The following MYRIP variants were observed in gnomAD, a reference collection of about 807,000 sequenced individuals.
The protein encoded by MYRIP is myosin VIIA and Rab interacting protein, also known as rab effector MyRIP.
Under a neutral mutation model 98.0 loss-of-function variants are expected in MYRIP, and 49 were observed. The observed-to-expected ratio is 0.50, with a 90% CI of 0.40 to 0.63. The LOEUF is 0.63. Among genes scored for constraint, MYRIP ranks in the 30% least tolerant of loss-of-function variants. The pLI, the probability that MYRIP is intolerant of heterozygous loss-of-function variation, is 0.00. For synonymous variants in MYRIP, 404 were observed against 409.5 expected (o/e 0.99, Z 0.16); for missense variants, 1,004 against 1,058.2 (o/e 0.95, Z 0.71).
intron 2 of MYRIP, among the ~76,000 whole-genome samples, chr3:40,025,504 G>A (rs1947105519): frequency 6.6e-6 from 1 of 152,058 alleles, no homozygotes; most frequent in Non-Finnish European, 1.5e-5. Flanking sequence ...ATACTCTAAG[G>A]TGGGTTTACC....
chr3:39,873,132 T>G (rs149198439), intron 1 of MYRIP, among the ~76,000 whole-genome samples: 1 of 152,236 alleles, frequency 6.6e-6, no homozygotes, highest in Admixed American at 6.5e-5. Flanking sequence ...TGCATAAATA[T>G]CTTCTTTTGA....
chr3:39,929,455 C>T (rs1007973406), intron 2 of MYRIP, among the ~76,000 whole-genome samples: 2 of 151,838 alleles, frequency 1.3e-5, no homozygotes, highest in Non-Finnish European at 2.9e-5. Flanking sequence ...AAAGTGCGAC[C>T]AATAGGTCTA....
intron 3 of MYRIP, among the ~76,000 whole-genome samples, chr3:40,146,515 C>T (rs1394173685): frequency 6.6e-6 from 1 of 152,192 alleles, no homozygotes; most frequent in Non-Finnish European, 1.5e-5. Flanking sequence ...TGTTTCCTGG[C>T]CACTCCAGTT....
At chr3:40,219,477 C>T (rs1051825448) in intron 11 of MYRIP, among the ~76,000 whole-genome samples, 1 of 151,972 alleles carries the variant, frequency 6.6e-6, no homozygotes, top group African/African-American at 2.4e-5. Flanking sequence ...TAATGCTATC[C>T]CTCCCCCATC....
intron 16 of MYRIP, among the ~76,000 whole-genome samples, chr3:40,254,488 T>TG (rs1559479300): frequency 8.8e-5 from 1 of 11,410 alleles, no homozygotes; most frequent in African/African-American, 3.4e-4. Flanking sequence ...CTGGGGGGGG[T>TG]GGGGGCGGGG....
At chr3:39,846,879 G>A (rs1401316046) in intron 1 of MYRIP, among the ~76,000 whole-genome samples, 1 of 152,172 alleles carries the variant, frequency 6.6e-6, no homozygotes, top group African/African-American at 2.4e-5. Context: ...CCATTGGAAG[G>A]CTAGCAGGTG....
intron 8 of MYRIP, among the ~76,000 whole-genome samples, chr3:40,172,091 A>G (rs1037660511): frequency 2.5e-4 from 38 of 152,230 alleles, no homozygotes; most frequent in Non-Finnish European, 3.7e-4. Context: ...GGAAGCCACA[A>G]TTCAAGACAA....
intron 9 of MYRIP, among the ~76,000 whole-genome samples, chr3:40,183,876 AC>A (rs1950957451): frequency 6.6e-6 from 1 of 152,250 alleles, no homozygotes; most frequent in Admixed American, 6.5e-5. Context: ...AAAAGATTTA[AC>A]CAACAACTAT....
chr3:39,985,012 G>A (rs1459748249), intron 2 of MYRIP, among the ~76,000 whole-genome samples: 1 of 150,160 alleles, frequency 6.7e-6, no homozygotes, highest in Non-Finnish European at 1.5e-5. Flanking sequence ...TTTTTTGGCT[G>A]CATAAATGTC....
At chr3:40,224,887 C>T (rs1165139472) in intron 11 of MYRIP, among the ~76,000 whole-genome samples, 2 of 152,206 alleles carry the variant, frequency 1.3e-5, no homozygotes, top group Admixed American at 6.5e-5. Context: ...CATCAAGTCA[C>T]TCTTCAGGGA....
intron 3 of MYRIP, among the ~76,000 whole-genome samples, chr3:40,119,767 G>T (rs1242957943): frequency 1.3e-5 from 2 of 152,084 alleles, no homozygotes; most frequent in African/African-American, 4.8e-5. Flanking sequence ...GGACTGTTGT[G>T]GGGTGGGGGG....
At chr3:40,120,604 A>G (rs1309288637) in intron 3 of MYRIP, among the ~76,000 whole-genome samples, 1 of 152,020 alleles carries the variant, frequency 6.6e-6, no homozygotes, top group Non-Finnish European at 1.5e-5. Context: ...TGTCTTCAAG[A>G]CTACACACTG....
chr3:40,112,207 A>C (rs575433360), intron 3 of MYRIP, among the ~76,000 whole-genome samples: 2 of 140,194 alleles, frequency 1.4e-5, no homozygotes, highest in Admixed American at 7.1e-5. Context: ...ACATACGCTC[A>C]TGGAATTCTA....
chr3:40,036,422 TGAAA>T (rs1947387836), intron 2 of MYRIP, among the ~76,000 whole-genome samples: 1 of 151,482 alleles, frequency 6.6e-6, no homozygotes, highest in South Asian at 2.1e-4. Context: ...TTTACCTTGA[TGAAA>T]GAATTACCAG....
chr3:40,037,222 G>A (rs1947403720), intron 2 of MYRIP, among the ~76,000 whole-genome samples: 1 of 152,082 alleles, frequency 6.6e-6, no homozygotes, highest in African/African-American at 2.4e-5. Context: ...TTTGTCTCAG[G>A]TGAGCCAAGG....
chr3:40,010,948 T>G (rs548532546), intron 2 of MYRIP, among the ~76,000 whole-genome samples: 3 of 152,306 alleles, frequency 2.0e-5, no homozygotes, highest in Admixed American at 6.5e-5. Context: ...TCTGCATATA[T>G]GTGAATAACC....
chr3:39,948,804 C>T (rs975953018), intron 2 of MYRIP, among the ~76,000 whole-genome samples: 6 of 152,016 alleles, frequency 3.9e-5, no homozygotes, highest in African/African-American at 2.4e-5. Flanking sequence ...TCATGAAGCC[C>T]AGAAATTCCT....
At chr3:40,233,822 C>G in intron 11 of MYRIP, 37 bp from the exon 12 acceptor site, 1 of 1,578,656 alleles carries the variant, frequency 6.3e-7, no homozygotes, top group Non-Finnish European at 8.6e-7. Context: ...ATGTGCTGTT[C>G]TTGTCTTCTG....
At chr3:40,148,728 G>A (rs974885779) in intron 3 of MYRIP, among the ~76,000 whole-genome samples, 3 of 152,118 alleles carry the variant, frequency 2.0e-5, no homozygotes, top group African/African-American at 7.2e-5. Flanking sequence ...CTTGTTGTTA[G>A]TTTATCTTGA....
Sources: allele counts gnomAD v4.1 joint callset (sites outside exome capture counted in the v4.1 genomes callset), GRCh38; gene constraint gnomAD v4.1.1; transcripts MANE v1.5; gene names NCBI Gene and HGNC (gene_info 2026-07-23, HGNC 2026-07-21).